Variants in STXBP5L observed in about 807,000 individuals in gnomAD.
STXBP5L encodes the protein syntaxin binding protein 5L.
STXBP5L carries 65 observed loss-of-function variants against 144.5 expected under a neutral mutation model. That is an observed-to-expected ratio of 0.45 (90% CI 0.37 to 0.55). STXBP5L has a LOEUF of 0.55. Ranked by LOEUF, STXBP5L falls within the 20% of genes least tolerant of loss-of-function variation. STXBP5L has a pLI of 0.00. For missense variants in STXBP5L, 1,298 were observed against 1,405.5 expected, an observed-to-expected ratio of 0.92 and a Z score of 1.22; for synonymous variants, 505 against 469.6, an observed-to-expected ratio of 1.08 and a Z score of -0.97.
At chr3:121,127,053 G>T (rs1470532340) in intron 7 of STXBP5L, among the ~76,000 whole-genome samples, 1 of 148,498 alleles carries the variant, frequency 6.7e-6, no homozygotes. Flanking sequence ...TAGAGTGTGG[G>T]TGTCTTTGGG....
chr3:120,984,324 C>A (rs1942081180), intron 3 of STXBP5L, among the ~76,000 whole-genome samples: 1 of 152,164 alleles, frequency 6.6e-6, no homozygotes, highest in Non-Finnish European at 1.5e-5. Flanking sequence ...TTCTCCACTT[C>A]TCCTCCAAAC....
At chr3:120,911,088 A>T (rs964210256) in intron 2 of STXBP5L, among the ~76,000 whole-genome samples, 4 of 151,958 alleles carry the variant, frequency 2.6e-5, no homozygotes, top group East Asian at 1.9e-4. Flanking sequence ...GATTCTGAAA[A>T]TTTTTTCCAA....
Position 121,422,022 on chromosome 3 carries a change from T to C in STXBP5L, c.*2925T>C, listed in dbSNP as rs548015903. ...TTATTTTTATAATTCAAAGAGATGA[T>C]AGCAATAAGAAGAATCTAATGTGGA... On this transcript the variant is annotated 3_prime_UTR_variant, in exon 27 of 27. Transcript: ENST00000471454. 1 of 152,262 alleles carries C rather than the reference T, an allele frequency of 6.6e-6. No homozygotes were observed. Among genetic ancestry groups the C allele is most frequent in the African/African-American group, 2.4e-5 (1 of 41,542 alleles). 9.4% of individuals were successfully genotyped at this position (152,262 alleles called of 1,614,324 possible). A position where few individuals can be genotyped will look rare whatever the true frequency, so the allele number is the denominator to read the frequency against.
At position 121,393,651 on chromosome 3, in the gene STXBP5L, G is replaced by A. The variant is rs932277068; in HGVS notation, c.2587+12119G>A. 3.3e-5 allele frequency among the ~76,000 whole-genome samples: 5 copies of A among 152,032 alleles called. No individual in the cohort carries two copies. In the South Asian group the frequency reaches 8.3e-4, roughly 25 times the overall value. ...GTCCAGTTTTATTCTCCTGCATATG[G>A]TTATACAATTTTTGCAGAACCATTT... On this transcript the variant is annotated intron_variant, in intron 22 of 26. Transcript: ENST00000471454.
intron 7 of STXBP5L, among the ~76,000 whole-genome samples, chr3:121,147,677 TTCTAAAG>T (rs1286352938): frequency 6.6e-6 from 1 of 152,126 alleles, no homozygotes; most frequent in African/African-American, 2.4e-5. Flanking sequence ...TCAAACATCA[TTCTAAAG>T]GTTTAGGTGA....
intron 20 of STXBP5L, among the ~76,000 whole-genome samples, chr3:121,334,210 T>G (rs1192967176): frequency 6.6e-6 from 1 of 152,134 alleles, no homozygotes; most frequent in Non-Finnish European, 1.5e-5. Flanking sequence ...TTGTAAATTG[T>G]CCAGTCTTGG....
At chr3:121,007,832 A>G (rs1343566490) in intron 3 of STXBP5L, among the ~76,000 whole-genome samples, 2 of 152,036 alleles carry the variant, frequency 1.3e-5, no homozygotes. Context: ...AGCATCTTCT[A>G]CAGATACACA....
intron 10 of STXBP5L, among the ~76,000 whole-genome samples, chr3:121,208,279 A>G (rs1290621694): frequency 6.8e-6 from 1 of 146,664 alleles, no homozygotes; most frequent in Non-Finnish European, 1.5e-5. Flanking sequence ...TGGGAACTGA[A>G]CAATGAGAAC....
At chr3:121,406,243 T>A (rs2046991553) in intron 22 of STXBP5L, among the ~76,000 whole-genome samples, 1 of 152,108 alleles carries the variant, frequency 6.6e-6, no homozygotes, top group South Asian at 2.1e-4. Flanking sequence ...AAAACACAAC[T>A]AAGATATTAG....
chr3:121,087,449 T>C (rs1424206178), intron 5 of STXBP5L, among the ~76,000 whole-genome samples: 1 of 152,092 alleles, frequency 6.6e-6, no homozygotes, highest in East Asian at 1.9e-4. Context: ...ATCTCATAAT[T>C]TCCTTTACTG....
intron 20 of STXBP5L, among the ~76,000 whole-genome samples, chr3:121,374,991 A>G (rs2108670154): frequency 7.1e-6 from 1 of 140,120 alleles, no homozygotes; most frequent in South Asian, 2.5e-4. Flanking sequence ...GTGCAGAATA[A>G]TAGACATTGA....
At chr3:121,415,794 C>A in intron 24 of STXBP5L, 63 bp from the exon 25 acceptor site, 1 of 1,160,672 alleles carries the variant, frequency 8.6e-7, no homozygotes, top group Non-Finnish European at 1.3e-6. Context: ...CACAGTGTTA[C>A]CTTTTTGTAT....
At position 121,188,178 on chromosome 3, in the gene STXBP5L, A is replaced by G. The variant is rs181911002; in HGVS notation, c.878-17745A>G. ...CAGGACTTGAACTCAGCTCTGCACC[A>G]AGTGGACCTAATAGACATCTACAGA... On this transcript the variant is annotated intron_variant, in intron 9 of 26. Transcript: ENST00000471454. 1.4e-3 allele frequency among the ~76,000 whole-genome samples: 209 copies of G among 152,294 alleles called. 1 individual carries two copies. Among genetic ancestry groups the G allele is most frequent in the African/African-American group, 4.8e-3 (201 of 41,564 alleles).
chr3:121,260,125 C>T (rs1321391367), intron 18 of STXBP5L, among the ~76,000 whole-genome samples: 2 of 152,112 alleles, frequency 1.3e-5, no homozygotes, highest in Non-Finnish European at 2.9e-5. Flanking sequence ...TCAAACTTTC[C>T]ATCCTGGTCA....
intron 11 of STXBP5L, among the ~76,000 whole-genome samples, chr3:121,226,649 A>G (rs1303550241): frequency 6.6e-6 from 1 of 152,182 alleles, no homozygotes; most frequent in South Asian, 2.1e-4. Context: ...ATTTAGTTAT[A>G]ACCAAATGTT....
chr3:121,370,412 G>A (rs370067607), intron 20 of STXBP5L, among the ~76,000 whole-genome samples: 2 of 152,162 alleles, frequency 1.3e-5, no homozygotes, highest in African/African-American at 4.8e-5. Flanking sequence ...ATGTGAAGAT[G>A]TGACTGCTTC....
At chr3:121,094,508 T>A (rs9809684) in intron 5 of STXBP5L, among the ~76,000 whole-genome samples, 15,076 of 152,080 alleles carry the variant, frequency 0.099, 1,167 homozygotes, top group Admixed American at 0.2. Context: ...GTTGAATTAG[T>A]CCCTTTACCA....
At chr3:121,322,631 T>C (rs1325816064) in intron 20 of STXBP5L, among the ~76,000 whole-genome samples, 1 of 151,770 alleles carries the variant, frequency 6.6e-6, no homozygotes, top group East Asian at 1.9e-4. Context: ...AATGAACATA[T>C]ATGTGTATGT....
intron 22 of STXBP5L, among the ~76,000 whole-genome samples, chr3:121,388,976 T>G (rs557970901): frequency 2.0e-5 from 3 of 152,338 alleles, no homozygotes; most frequent in African/African-American, 7.2e-5. Context: ...CACCAGCTTC[T>G]CTTTGTGCCT....
Sources: allele counts gnomAD v4.1 joint callset (sites outside exome capture counted in the v4.1 genomes callset), GRCh38; gene constraint gnomAD v4.1.1; transcripts MANE v1.5; gene names NCBI Gene and HGNC (gene_info 2026-07-23, HGNC 2026-07-21).